TEAD1: variants seen among roughly 807,000 people sequenced by gnomAD.
TEAD1 encodes the protein TEA domain transcription factor 1, also known as transcriptional enhancer factor TEF-1.
Under a neutral mutation model 54.9 loss-of-function variants are expected in TEAD1, and 9 were observed. That is an observed-to-expected ratio of 0.16 (90% CI 0.10 to 0.29). The LOEUF (loss-of-function observed/expected upper bound fraction) is 0.29. TEAD1 is among the 10% of genes least tolerant of loss of function. The pLI, the probability that TEAD1 is intolerant of heterozygous loss-of-function variation, is 1.00. For synonymous variants in TEAD1, 200 were observed against 187.8 expected, an observed-to-expected ratio of 1.07 and a Z score of -0.53; for missense variants, 387 against 535.9, an observed-to-expected ratio of 0.72 and a Z score of 2.74.
At chr11:12,719,927 G>A (rs1377525869) in intron 2 of TEAD1, among the ~76,000 whole-genome samples, 4 of 136,960 alleles carry the variant, frequency 2.9e-5, no homozygotes, top group African/African-American at 5.2e-5. Flanking sequence ...TTTGCAAACC[G>A]GCGTGTGTTT....
At chr11:12,906,541 CAA>C (rs57220080) in intron 10 of TEAD1, among the ~76,000 whole-genome samples, 9,186 of 142,762 alleles carry the variant, frequency 0.064, 395 homozygotes, top group African/African-American at 0.14. Flanking sequence ...GACTCCTTCT[CAA>C]AAAAAAAAAA....
intron 10 of TEAD1, among the ~76,000 whole-genome samples, chr11:12,906,510 C>G (rs1456323555): frequency 6.7e-6 from 1 of 148,432 alleles, no homozygotes; most frequent in Non-Finnish European, 1.5e-5. Flanking sequence ...CCACTGCACT[C>G]TAGCCTGGGC....
At chr11:12,839,261 A>G (rs927486331) in intron 3 of TEAD1, among the ~76,000 whole-genome samples, 1 of 152,108 alleles carries the variant, frequency 6.6e-6, no homozygotes, top group Non-Finnish European at 1.5e-5. Flanking sequence ...AAATACAAAA[A>G]TTAGCCGGGT....
Position 12,869,677 on chromosome 11 carries a change from G to GT in TEAD1, c.330+4785dup, listed in dbSNP as rs762925193. On this transcript the variant is annotated intron_variant, in intron 5 of 12. Coordinates refer to ENST00000527636, the MANE Select transcript of TEAD1 (RefSeq NM_021961.6). Reference sequence around the variant, plus strand: ...GGAATTGATCATTTTCATTATATAAGTTTTTTTTAATGAAAAATCAAGTGG... The same window carrying GT: ...GGAATTGATCATTTTCATTATATAAGTTTTTTTTTAATGAAAAATCAAGTGG... Among the ~76,000 whole-genome samples the GT allele has an allele frequency of 1.8e-4, 28 of 151,882 alleles. No individual in the cohort carries two copies. In the East Asian group the frequency reaches 4.3e-3, roughly 23 times the overall value.
intron 3 of TEAD1, among the ~76,000 whole-genome samples, chr11:12,845,694 A>G (rs997473196): frequency 1.3e-5 from 2 of 152,152 alleles, no homozygotes; most frequent in Non-Finnish European, 1.5e-5. Flanking sequence ...CATCTCAAGA[A>G]CCACCTGCCC....
At chr11:12,824,731 TC>T (rs1478642160) in intron 3 of TEAD1, among the ~76,000 whole-genome samples, 1 of 152,106 alleles carries the variant, frequency 6.6e-6, no homozygotes, top group East Asian at 1.9e-4. Context: ...TGCCAGTTCC[TC>T]CCAGTCCTGA....
chr11:12,814,579 C>T (rs1412913315), intron 3 of TEAD1, among the ~76,000 whole-genome samples: 2 of 152,124 alleles, frequency 1.3e-5, no homozygotes, highest in Non-Finnish European at 2.9e-5. Context: ...AAGGGAAGAC[C>T]AGATTGGAAG....
At position 12,944,089 on chromosome 11, in the gene TEAD1, GTCTT is replaced by G. The variant is rs1329934373; in HGVS notation, c.*6869_*6872del. ...ACTTAATGGGATTCTCACGGTCTGT[GTCTT>G]TGTGTCACGTGTATAAAATGGGCTT... On this transcript the variant is annotated 3_prime_UTR_variant, in exon 13 of 13. Coordinates refer to ENST00000527636, the MANE Select transcript of TEAD1 (RefSeq NM_021961.6). 1 of 152,552 alleles carries G rather than the reference GTCTT, an allele frequency of 6.6e-6. No homozygotes were observed. Among genetic ancestry groups the G allele is most frequent in the African/African-American group, 2.4e-5 (1 of 41,410 alleles). The allele number at this position is 152,552 out of a possible 1,614,324, so 9.4% of individuals were successfully genotyped here.
chr11:12,778,667 A>C (rs1458090181), intron 3 of TEAD1, among the ~76,000 whole-genome samples: 26 of 152,002 alleles, frequency 1.7e-4, no homozygotes, highest in Admixed American at 1.7e-3. Context: ...TAGGCCCCCA[A>C]AAAATGTTTG....
intron 3 of TEAD1, among the ~76,000 whole-genome samples, chr11:12,822,894 C>T (rs1358487254): frequency 2.0e-5 from 3 of 152,132 alleles, no homozygotes; most frequent in Non-Finnish European, 4.4e-5. Flanking sequence ...GGAGCATGTC[C>T]TGATTACATG....
intron 3 of TEAD1, among the ~76,000 whole-genome samples, chr11:12,821,967 T>G (rs1184280997): frequency 9.8e-6 from 1 of 102,274 alleles, no homozygotes. Flanking sequence ...TTTCCTTTTT[T>G]TTTTTTTTTT....
intron 3 of TEAD1, among the ~76,000 whole-genome samples, chr11:12,813,599 T>G (rs1487411430): frequency 6.6e-6 from 1 of 152,218 alleles, no homozygotes; most frequent in African/African-American, 2.4e-5. Context: ...CCCAGAGGCT[T>G]CTCTTTGAGA....
chr11:12,679,417 A>G (rs983239017), intron 2 of TEAD1, among the ~76,000 whole-genome samples: 1 of 152,226 alleles, frequency 6.6e-6, no homozygotes, highest in African/African-American at 2.4e-5. Context: ...CAAGTTAAGC[A>G]TCCGTCATCT....
At chr11:12,890,377 A>G (rs1390186358) in intron 9 of TEAD1, among the ~76,000 whole-genome samples, 2 of 152,186 alleles carry the variant, frequency 1.3e-5, no homozygotes, top group Admixed American at 1.3e-4. Context: ...ACCCATGGAA[A>G]ATTGTCTTCC....
chr11:12,836,916 A>G (rs577835902), intron 3 of TEAD1, among the ~76,000 whole-genome samples: 1 of 152,314 alleles, frequency 6.6e-6, no homozygotes, highest in African/African-American at 2.4e-5. Flanking sequence ...AAAGTGTTGT[A>G]TTATGAAATG....
intron 5 of TEAD1, chr11:12,878,879 T>C: frequency 5.4e-6 from 7 of 1,284,634 alleles, no homozygotes; most frequent in Non-Finnish European, 7.1e-6. Context: ...TTGTTTATTA[T>C]TGTATCCAGG....
intron 2 of TEAD1, among the ~76,000 whole-genome samples, chr11:12,725,209 C>T (rs763075324): frequency 6.6e-6 from 1 of 152,134 alleles, no homozygotes; most frequent in Non-Finnish European, 1.5e-5. Flanking sequence ...AATCGAGGTG[C>T]ACAGAGGTTA....
chr11:12,793,733 C>T (rs1046345728), intron 3 of TEAD1, among the ~76,000 whole-genome samples: 3 of 152,188 alleles, frequency 2.0e-5, no homozygotes, highest in Admixed American at 2.0e-4. Context: ...GAACATGAAT[C>T]AAAAGAGAAC....
At position 12,925,183 on chromosome 11, in the gene TEAD1, A is replaced by G. The variant is rs534780027; in HGVS notation, c.1014+131A>G. 43 of 1,048,992 alleles carry G rather than the reference A, an allele frequency of 4.1e-5. No individual in the cohort carries two copies. The East Asian group carries it at 1.0e-3, about 25-fold the overall frequency. The allele number at this position is 1,048,992 out of a possible 1,614,324, so 65.0% of individuals were successfully genotyped here. On this transcript the variant is annotated intron_variant, in intron 11 of 12. Coordinates refer to ENST00000527636, the MANE Select transcript of TEAD1 (RefSeq NM_021961.6). ...ACCTTCTGTATTAGTCCATTCTCAC[A>G]CTGCTATGAAGAACTACCTGAAAAT...
Sources: gnomAD v4.1 joint callset for allele counts (sites outside exome capture counted in the v4.1 genomes callset) on GRCh38, gnomAD v4.1.1 for gene constraint, MANE v1.5 for transcripts, NCBI Gene and HGNC (gene_info 2026-07-23, HGNC 2026-07-21) for gene names.